The following PMEPA1 variants were observed in gnomAD, a reference collection of about 807,000 sequenced individuals.
PMEPA1 encodes protein TMEPAI.
PMEPA1 carries 11 observed loss-of-function variants against 23.0 expected under a neutral mutation model. That is an observed-to-expected ratio of 0.48 (90% CI 0.30 to 0.79). The LOEUF is 0.79. Ranked by LOEUF, PMEPA1 falls within the 30% of genes least tolerant of loss-of-function variation. The pLI, the probability that PMEPA1 is intolerant of heterozygous loss-of-function variation, is 0.06. For synonymous variants in PMEPA1, 204 were observed against 166.4 expected, an observed-to-expected ratio of 1.23 and a Z score of -1.74; for missense variants, 377 against 390.9, an observed-to-expected ratio of 0.96 and a Z score of 0.30.
intron 2 of PMEPA1, among the ~76,000 whole-genome samples, chr20:57,654,448 T>A (rs1175246822): frequency 3.3e-5 from 5 of 151,982 alleles, no homozygotes; most frequent in African/African-American, 9.7e-5. Flanking sequence ...TAATTTCCCA[T>A]ATGGCCACTA....
rs746820553 is a variant in PMEPA1, at chr20:57,652,552, G to A, written c.365C>T (p.Pro122Leu). The A allele has an allele frequency of 7.8e-6, 12 of 1,530,174 alleles. No individual in the cohort carries two copies. Among genetic ancestry groups the A allele is most frequent in the Non-Finnish European group, 7.9e-6 (9 of 1,138,682 alleles). 94.8% of individuals were successfully genotyped at this position (1,530,174 alleles called of 1,614,324 possible). ...PPRPTDRLAVPPFAQRERFHR... is the reference protein window; with the variant it reads ...PPRPTDRLAVLPFAQRERFHR... The stretch of plus-strand genomic sequence containing the variant: ...GAAGCGCTCCCGCTGGGCGAAGGGC[G>A]GCACGGCCAGGCGGTCGGTGGGCCG... Residue 122 changes from proline to leucine, a missense_variant, in exon 4 of 4, where the codon CCG (proline) becomes CTG (leucine). Transcript: ENST00000341744. The surrounding 1 kb of genome is among the most constrained non-coding windows in gnomAD (Gnocchi z 6.1).
chr20:57,661,370 A>G (rs1436798844), intron 1 of PMEPA1, among the ~76,000 whole-genome samples: 1 of 152,188 alleles, frequency 6.6e-6, no homozygotes, highest in East Asian at 1.9e-4. Context: ...AGTGGGCACC[A>G]GCCGGCAGCG....
At chr20:57,657,323 C>G (rs186291616) in intron 2 of PMEPA1, among the ~76,000 whole-genome samples, 7 of 152,272 alleles carry the variant, frequency 4.6e-5, no homozygotes, top group Admixed American at 4.6e-4. Context: ...GTCCAGGCAC[C>G]GTCACTCTCC....
chr20:57,681,477 C>T (rs947680759), intron 1 of PMEPA1, among the ~76,000 whole-genome samples: 4 of 152,312 alleles, frequency 2.6e-5, no homozygotes, highest in South Asian at 2.1e-4. Flanking sequence ...CTGAGACGAC[C>T]GTGAGGATGG....
At chr20:57,696,392 C>T (rs550542973) in intron 1 of PMEPA1, among the ~76,000 whole-genome samples, 41 of 152,370 alleles carry the variant, frequency 2.7e-4, no homozygotes, top group South Asian at 1.7e-3. Flanking sequence ...GGTCCCGCTT[C>T]TCTGTGACTC....
In PMEPA1 at chr20:57,671,762, G is replaced by A. The variant is rs559898916; in HGVS notation, c.110-12065C>T. ...GCTGGATCATCTCTATTGTGGGGCC[G>A]TCCTAAGCAGCAGGGTGTTCAGCAG... On this transcript the variant is annotated intron_variant, in intron 1 of 3. Coordinates refer to ENST00000341744, the MANE Select transcript of PMEPA1 (RefSeq NM_020182.5). Among the ~76,000 whole-genome samples the A allele has an allele frequency of 1.6e-4, 24 of 152,302 alleles. 1 individual carries two copies. The highest frequency in any genetic ancestry group is 3.4e-3 in the Middle Eastern group (1 of 294).
rs1378432773 is a variant in PMEPA1, at chr20:57,652,152, C to T, written c.765G>A (p.Leu255=). 6.2e-7 allele frequency: 1 copy of T among 1,602,050 alleles called. No homozygotes were observed. The highest frequency in any genetic ancestry group is 8.5e-7 in the Non-Finnish European group (1 of 1,174,388). The change falls in exon 4 of 4, where the codon TTG becomes TTA. Residue 255 remains leucine, a synonymous_variant. Coordinates refer to ENST00000341744, the MANE Select transcript of PMEPA1 (RefSeq NM_020182.5). The surrounding 1 kb of genome is among the most constrained non-coding windows in gnomAD (Gnocchi z 6.1). ...QHQQSSGPPS[L]LEGTRLHHTH... is the part of the protein sequence containing the mutation. ...TGTGGTGGAGCCGGGTCCCCTCCAG[C>T]AAGGAGGGCGGCCCACTGCTCTGCT...
In PMEPA1 at chr20:57,650,506, GT is replaced by G. The variant is rs534447779; in HGVS notation, c.*1546del. 1.3e-5 allele frequency: 2 copies of G among 152,498 alleles called. No homozygotes were observed. Among genetic ancestry groups the G allele is most frequent in the East Asian group, 3.9e-4 (2 of 5,182 alleles). The allele number at this position is 152,498 out of a possible 1,614,324, so 9.4% of individuals were successfully genotyped here. ...TCCTTCACCTGCACGTCACCAGCAG[GT>G]CCCGCCAACCCCAAATCTATCTGGT... On this transcript the variant is annotated 3_prime_UTR_variant, in exon 4 of 4. Coordinates refer to ENST00000341744, the MANE Select transcript of PMEPA1 (RefSeq NM_020182.5).
chr20:57,662,136 G>GCTCAGCGTGCCACTGTCTACACTGCT (rs1207300915), intron 1 of PMEPA1, among the ~76,000 whole-genome samples: 28 of 151,672 alleles, frequency 1.8e-4, no homozygotes, highest in South Asian at 8.3e-4. Context: ...TGCACCCAGG[G>GCTCAGCGTGCCACTGTCTACACTGCT]AACATGTGGC....
intron 1 of PMEPA1, among the ~76,000 whole-genome samples, chr20:57,688,468 C>G (rs1195147069): frequency 6.6e-6 from 1 of 152,126 alleles, no homozygotes. Flanking sequence ...CAAAAAGTCT[C>G]CAGACACTGC....
intron 1 of PMEPA1, among the ~76,000 whole-genome samples, chr20:57,664,342 T>C (rs1014804289): frequency 1.3e-5 from 2 of 152,086 alleles, no homozygotes; most frequent in African/African-American, 2.4e-5. Context: ...CAGGGCCCAC[T>C]CAGGCCGAGT....
At chr20:57,654,432 G>A (rs967209031) in intron 2 of PMEPA1, among the ~76,000 whole-genome samples, 2 of 152,174 alleles carry the variant, frequency 1.3e-5, no homozygotes, top group Admixed American at 6.5e-5. Context: ...AACGGCCAGA[G>A]GGTGGTAATT....
At chr20:57,660,795 C>T (rs902019235) in intron 1 of PMEPA1, among the ~76,000 whole-genome samples, 3 of 150,470 alleles carry the variant, frequency 2.0e-5, no homozygotes, top group East Asian at 4.0e-4. Context: ...CCTACACACA[C>T]GTCAACAACA....
At chr20:57,690,294 C>T (rs1039846093) in intron 1 of PMEPA1, 6 of 590,992 alleles carry the variant, frequency 1.0e-5, no homozygotes, top group Middle Eastern at 3.0e-4. Flanking sequence ...CCGGGGGGGC[C>T]GGGCCCAGTG....
rs1286465218 is a variant in PMEPA1 at position 57,709,741 on chromosome 20, C to A, written c.-159G>T. 7 of 979,566 alleles carry A rather than the reference C, an allele frequency of 7.1e-6. No individual in the cohort carries two copies. Among genetic ancestry groups the A allele is most frequent in the Admixed American group, 6.3e-5 (1 of 15,818 alleles). 60.7% of individuals were successfully genotyped at this position (979,566 alleles called of 1,614,324 possible). On this transcript the variant is annotated 5_prime_UTR_variant, in exon 1 of 4. Transcript: ENST00000341744. ...TCGGGTCGCCGCCAAGTTCCCGGGG[C>A]GCCGCGGGGCTCAGTGCGCGGGACC...
rs747746232 is a variant in PMEPA1, at chr20:57,652,194, C to T, written c.723G>A (p.Gly241=). The change falls in exon 4 of 4, where the codon GGG becomes GGA. Residue 241 remains glycine (G), a synonymous_variant. Coordinates refer to ENST00000341744, the MANE Select transcript of PMEPA1 (RefSeq NM_020182.5). This position sits in a 1 kb window ranked among gnomAD's most constrained non-coding sequence, Gnocchi z 6.1. ...TYSEVIGHYP[G]SSFQHQQSSG... The stretch of plus-strand genomic sequence containing the variant: ...TGCTCTGCTGGTGCTGGAAGGAGGA[C>T]CCCGGGTAGTGGCCGATGACCTCGC... 4.3e-6 allele frequency: 7 copies of T among 1,609,630 alleles called. No individual in the cohort carries two copies. Among genetic ancestry groups the T allele is most frequent in the South Asian group, 1.1e-5 (1 of 90,676 alleles).
At chr20:57,690,423 A>T (rs1415716052) in intron 1 of PMEPA1, 1 of 1,303,696 alleles carries the variant, frequency 7.7e-7, no homozygotes, top group Admixed American at 2.3e-5. Flanking sequence ...AGGCATTTTG[A>T]CTTTTCGCCT....
At position 57,683,248 on chromosome 20, in the gene PMEPA1, G is replaced by C. The variant is rs1248473438; in HGVS notation, c.110-23551C>G. Among the ~76,000 whole-genome samples, 1 of 152,200 alleles carries C rather than the reference G, an allele frequency of 6.6e-6. No homozygotes were observed. Reference sequence around the variant, plus strand: ...AGAAAGGAAAGCTCCCTAAACTCAAGCCAAGGGTGCGTTTTTGATGTGCTG... The same window carrying C: ...AGAAAGGAAAGCTCCCTAAACTCAACCCAAGGGTGCGTTTTTGATGTGCTG... On this transcript the variant is annotated intron_variant, in intron 1 of 3. Coordinates refer to ENST00000341744, the MANE Select transcript of PMEPA1 (RefSeq NM_020182.5). This position sits in a 1 kb window ranked among gnomAD's most constrained non-coding sequence, Gnocchi z 4.3.
chr20:57,701,245 G>A (rs2072007463), intron 1 of PMEPA1, among the ~76,000 whole-genome samples: 2 of 152,126 alleles, frequency 1.3e-5, no homozygotes, highest in Admixed American at 6.5e-5. Flanking sequence ...TACCGCCGAA[G>A]TTGAGTCACA....
Sources: allele counts gnomAD v4.1 joint callset (sites outside exome capture counted in the v4.1 genomes callset), GRCh38; gene constraint gnomAD v4.1.1; non-coding constraint Gnocchi (gnomAD v3.1); transcripts MANE v1.5; gene names NCBI Gene and HGNC (gene_info 2026-07-23, HGNC 2026-07-21).